PARD3: variants seen among roughly 807,000 people sequenced by gnomAD.
The protein encoded by PARD3 is par-3 family cell polarity regulator, also known as partitioning defective 3 homolog.
A neutral mutation model predicts 155.4 loss-of-function variants in PARD3; 75 were observed. The ratio of observed to expected loss-of-function variants is 0.48; its 90% confidence interval spans 0.40 to 0.58. PARD3 has a LOEUF of 0.58. Ranked by LOEUF, PARD3 falls within the 20% of genes least tolerant of loss-of-function variation. The probability of loss-of-function intolerance (pLI) is 0.00; values close to 1 mark genes in which losing one functional copy is unlikely to be tolerated. For synonymous variants in PARD3, 576 were observed against 610.5 expected, an observed-to-expected ratio of 0.94 and a Z score of 0.83; for missense variants, 1,642 against 1,721.7, an observed-to-expected ratio of 0.95 and a Z score of 0.82.
At chr10:34,276,358 T>C (rs1955878797) in intron 21 of PARD3, among the ~76,000 whole-genome samples, 1 of 152,180 alleles carries the variant, frequency 6.6e-6, no homozygotes, top group Non-Finnish European at 1.5e-5. Flanking sequence ...GGTTAATTTC[T>C]TTCCTGCTGT....
Position 34,375,587 on chromosome 10 carries a change from G to A in PARD3, c.1540-585C>T, listed in dbSNP as rs554446203. ...TCAGCTGAAATTTTTTCAATGTTATGAGAGAATTCAAGCAGGAAAAAAATT... is the reference window on the plus strand; with the variant it reads ...TCAGCTGAAATTTTTTCAATGTTATAAGAGAATTCAAGCAGGAAAAAAATT... On this transcript the variant is annotated intron_variant, in intron 10 of 24. Transcript: ENST00000374788. Among the ~76,000 whole-genome samples, 10 of 152,168 alleles carry A rather than the reference G, an allele frequency of 6.6e-5. No individual in the cohort carries two copies. In the East Asian group the frequency reaches 1.7e-3, roughly 26 times the overall value.
At chr10:34,466,416 T>C (rs976331442) in intron 4 of PARD3, among the ~76,000 whole-genome samples, 2 of 152,190 alleles carry the variant, frequency 1.3e-5, no homozygotes, top group African/African-American at 4.8e-5. Context: ...GATGGTGCTC[T>C]AACATATCAG....
intron 1 of PARD3, among the ~76,000 whole-genome samples, chr10:34,761,655 A>C (rs1837450978): frequency 6.6e-6 from 1 of 152,204 alleles, no homozygotes; most frequent in Non-Finnish European, 1.5e-5. Flanking sequence ...TCCTCCCTTG[A>C]TGATTAAAAT....
chr10:34,115,475 C>A lies in PARD3; in HGVS notation c.3669-3913G>T, dbSNP rs929754950. Among the ~76,000 whole-genome samples the A allele has an allele frequency of 1.1e-4, 16 of 152,124 alleles. No individual in the cohort carries two copies. The South Asian group carries it at 2.7e-3, about 26-fold the overall frequency. Reference sequence around the variant, plus strand: ...TAAAAAAAGATGATGTCAAAGGGTACAAATCTCAATGACAGAGGAGCAATT... The same window carrying A: ...TAAAAAAAGATGATGTCAAAGGGTAAAAATCTCAATGACAGAGGAGCAATT... On this transcript the variant is annotated intron_variant, in intron 24 of 24. Coordinates refer to ENST00000374788, the MANE Select transcript of PARD3 (RefSeq NM_001184785.2).
At chr10:34,811,592 G>T (rs75958647) in intron 1 of PARD3, among the ~76,000 whole-genome samples, 2,131 of 152,218 alleles carry the variant, frequency 0.014, 62 homozygotes, top group African/African-American at 0.048. Flanking sequence ...ATCCAGAAGC[G>T]ATTACTGACT....
At chr10:34,172,329 G>A (rs928290688) in intron 22 of PARD3, among the ~76,000 whole-genome samples, 1 of 152,138 alleles carries the variant, frequency 6.6e-6, no homozygotes, top group Admixed American at 6.5e-5. Context: ...CTCATCCATA[G>A]TACTATAAAA....
At chr10:34,585,434 C>G (rs1321470570) in intron 2 of PARD3, among the ~76,000 whole-genome samples, 1 of 152,032 alleles carries the variant, frequency 6.6e-6, no homozygotes, top group African/African-American at 2.4e-5. Flanking sequence ...TGAAATTAAA[C>G]TAACAATGTT....
At chr10:34,638,705 G>T (rs772406166) in intron 2 of PARD3, among the ~76,000 whole-genome samples, 2 of 152,090 alleles carry the variant, frequency 1.3e-5, no homozygotes, top group African/African-American at 2.4e-5. Context: ...TGGGTATTTT[G>T]AAATAAAAAT....
intron 1 of PARD3, among the ~76,000 whole-genome samples, chr10:34,710,944 G>C (rs2094441313): frequency 6.6e-6 from 1 of 152,082 alleles, no homozygotes. Context: ...AGGAAGCCAG[G>C]GCAGGAGCAT....
chr10:34,362,803 G>A (rs559813195), intron 12 of PARD3, among the ~76,000 whole-genome samples: 5 of 152,308 alleles, frequency 3.3e-5, no homozygotes, highest in African/African-American at 1.2e-4. Context: ...TACAGAGTAC[G>A]AAATAATGAC....
intron 2 of PARD3, among the ~76,000 whole-genome samples, chr10:34,566,740 T>G (rs2085972902): frequency 6.6e-6 from 1 of 152,202 alleles, no homozygotes; most frequent in African/African-American, 2.4e-5. Flanking sequence ...AGATACTGAC[T>G]AAATAAATTA....
chr10:34,705,079 G>A (rs1166922818), intron 1 of PARD3, among the ~76,000 whole-genome samples: 3 of 151,484 alleles, frequency 2.0e-5, no homozygotes, highest in Non-Finnish European at 4.4e-5. Flanking sequence ...CTGAAGTTCT[G>A]TTCTTAAAAA....
At chr10:34,689,736 T>C (rs2094016311) in intron 2 of PARD3, among the ~76,000 whole-genome samples, 1 of 152,188 alleles carries the variant, frequency 6.6e-6, no homozygotes, top group Non-Finnish European at 1.5e-5. Context: ...TAAAACGTCG[T>C]TTACTAAGAA....
intron 22 of PARD3, among the ~76,000 whole-genome samples, chr10:34,190,766 AG>A (rs1950670810): frequency 6.6e-6 from 1 of 152,168 alleles, no homozygotes; most frequent in African/African-American, 2.4e-5. Flanking sequence ...TCAGCCTGGG[AG>A]GGTGAGAAAA....
At chr10:34,386,940 A>G (rs1842411717) in intron 7 of PARD3, among the ~76,000 whole-genome samples, 1 of 152,216 alleles carries the variant, frequency 6.6e-6, no homozygotes, top group African/African-American at 2.4e-5. Flanking sequence ...AAGATATCTG[A>G]CCACTTCAGT....
At chr10:34,405,815 A>G (rs1844404284) in intron 5 of PARD3, among the ~76,000 whole-genome samples, 1 of 152,190 alleles carries the variant, frequency 6.6e-6, no homozygotes. Flanking sequence ...TGATGTGAAG[A>G]GGATCCAGGG....
At chr10:34,693,822 A>T (rs960651483) in intron 2 of PARD3, among the ~76,000 whole-genome samples, 4 of 152,174 alleles carry the variant, frequency 2.6e-5, no homozygotes, top group Non-Finnish European at 5.9e-5. Context: ...CTAAATAAAT[A>T]AATTAAATTA....
chr10:34,711,614 A>C (rs573494673), intron 1 of PARD3, among the ~76,000 whole-genome samples: 11 of 152,222 alleles, frequency 7.2e-5, no homozygotes, highest in Non-Finnish European at 1.2e-4. Flanking sequence ...TAAGGTCTCC[A>C]AAGGCAGGGG....
Position 34,517,733 on chromosome 10 carries a change from G to C in PARD3, c.223-574C>G, listed in dbSNP as rs747656207. Among the ~76,000 whole-genome samples the C allele has an allele frequency of 3.9e-5, 6 of 152,092 alleles. No homozygotes were observed. In the South Asian group the frequency reaches 6.2e-4, roughly 16 times the overall value. ...ACACAAACACACACACACCAAGAAT[G>C]AACAAAAGAGTGCAAATATGTTTGA... On this transcript the variant is annotated intron_variant, in intron 2 of 24. Coordinates refer to ENST00000374788, the MANE Select transcript of PARD3 (RefSeq NM_001184785.2).
Sources: allele counts gnomAD v4.1 joint callset (sites outside exome capture counted in the v4.1 genomes callset), GRCh38; gene constraint gnomAD v4.1.1; transcripts MANE v1.5; gene names NCBI Gene and HGNC (gene_info 2026-07-23, HGNC 2026-07-21).